The following SPTLC2 variants were observed in gnomAD, a reference collection of about 807,000 sequenced individuals.
SPTLC2 encodes serine palmitoyltransferase long chain base subunit 2, also known as serine palmitoyltransferase 2.
In SPTLC2, 21 loss-of-function variants were observed where a neutral mutation model predicts 62.0. The ratio of observed to expected loss-of-function variants is 0.34; its 90% CI spans 0.24 to 0.49. The LOEUF (loss-of-function observed/expected upper bound fraction) is 0.49. Ranked by LOEUF, SPTLC2 falls within the 20% of genes least tolerant of loss-of-function variation. The pLI is 0.99. For synonymous variants in SPTLC2, 261 were observed against 261.8 expected (o/e 1.00, Z 0.03); for missense variants, 511 against 713.0 (o/e 0.72, Z 3.23).
chr14:77,553,225 T>C (rs2079564667), intron 8 of SPTLC2, among the ~76,000 whole-genome samples: 1 of 152,078 alleles, frequency 6.6e-6, no homozygotes, highest in Non-Finnish European at 1.5e-5. Flanking sequence ...CAGAACAAAT[T>C]AGGGGGACAC....
rs138630347 is a variant in SPTLC2 at position 77,562,816 on chromosome 14, C to T, written c.757-327G>A. 1.3e-3 allele frequency among the ~76,000 whole-genome samples: 197 copies of T among 152,216 alleles called. 6 individuals are homozygous for T. In the East Asian group the frequency reaches 0.025, roughly 19 times the overall value. On this transcript the variant is annotated intron_variant, in intron 5 of 11. Transcript: ENST00000216484. ...TCTCTAAAACGTTTTGGTTTCTTTA[C>T]GTGAGAGAATTCCATGTAGTTTTAG...
At position 77,560,950 on chromosome 14, in the gene SPTLC2, T is replaced by C. The variant is rs567941020; in HGVS notation, c.850+1446A>G. Among the ~76,000 whole-genome samples the C allele has an allele frequency of 8.6e-5, 13 of 151,246 alleles. 2 individuals are homozygous for C. The South Asian group carries it at 2.7e-3, about 32-fold the overall frequency. On this transcript the variant is annotated intron_variant, in intron 6 of 11. Transcript: ENST00000216484. ...TGATTACCTGGGTGGCGAAATAATCTGTACACAAACCCCCGAGACATGCAA... is the reference window on the plus strand; with the variant it reads ...TGATTACCTGGGTGGCGAAATAATCCGTACACAAACCCCCGAGACATGCAA...
At chr14:77,605,845 C>T (rs1167314549) in intron 1 of SPTLC2, among the ~76,000 whole-genome samples, 5 of 152,186 alleles carry the variant, frequency 3.3e-5, no homozygotes, top group Non-Finnish European at 7.3e-5. Flanking sequence ...GAGGGAGTGG[C>T]CTGTAACAAA....
intron 1 of SPTLC2, among the ~76,000 whole-genome samples, chr14:77,609,832 G>A (rs533539203): frequency 6.6e-5 from 10 of 152,034 alleles, no homozygotes; most frequent in Non-Finnish European, 1.5e-4. Flanking sequence ...TGGAGGCTGC[G>A]GTGAGCCATG....
At chr14:77,557,600 C>T (rs750053482) in intron 6 of SPTLC2, among the ~76,000 whole-genome samples, 6 of 152,152 alleles carry the variant, frequency 3.9e-5, no homozygotes, top group Non-Finnish European at 8.8e-5. Flanking sequence ...AAACGCAAGG[C>T]GTAAAAAAAC....
chr14:77,584,318 T>C (rs2079769363), intron 2 of SPTLC2, among the ~76,000 whole-genome samples: 1 of 152,174 alleles, frequency 6.6e-6, no homozygotes, highest in Non-Finnish European at 1.5e-5. Flanking sequence ...TAAGCATCAT[T>C]CTGGTCCAAC....
At chr14:77,560,159 G>A in intron 6 of SPTLC2, among the ~76,000 whole-genome samples, 1 of 152,194 alleles carries the variant, frequency 6.6e-6, no homozygotes, top group East Asian at 1.9e-4. Context: ...GTTGGCCAGT[G>A]AGTAGGAACA....
intron 9 of SPTLC2, among the ~76,000 whole-genome samples, chr14:77,546,152 G>C (rs1188503714): frequency 6.6e-6 from 1 of 152,238 alleles, no homozygotes; most frequent in Non-Finnish European, 1.5e-5. Flanking sequence ...AGTAGAAGCA[G>C]ATGGAGTTAG....
At chr14:77,528,318 G>A (rs1432232026) in intron 9 of SPTLC2, among the ~76,000 whole-genome samples, 1 of 151,432 alleles carries the variant, frequency 6.6e-6, no homozygotes, top group Non-Finnish European at 1.5e-5. Context: ...AGCAACCTCC[G>A]CCTCCCGGGT....
chr14:77,540,676 T>C (rs999836030), intron 9 of SPTLC2, among the ~76,000 whole-genome samples: 6 of 152,172 alleles, frequency 3.9e-5, no homozygotes, highest in Non-Finnish European at 8.8e-5. Flanking sequence ...GGTTTCGCTA[T>C]GTTGTCCAGG....
chr14:77,580,238 C>T (rs1369799678), intron 2 of SPTLC2, among the ~76,000 whole-genome samples: 1 of 145,190 alleles, frequency 6.9e-6, no homozygotes, highest in Non-Finnish European at 1.5e-5. Context: ...TTTGGGAGGC[C>T]GAGGTGGGTG....
chr14:77,548,666 T>G lies in SPTLC2; in HGVS notation c.1303+3430A>C, dbSNP rs567088435. The stretch of plus-strand genomic sequence containing the variant: ...AATTCCCATTCATTATTATCTCACC[T>G]GAGATCCTAGTGAAGTTGCCTTTCA... On this transcript the variant is annotated intron_variant, in intron 9 of 11. Coordinates refer to ENST00000216484, the MANE Select transcript of SPTLC2 (RefSeq NM_004863.4). Among the ~76,000 whole-genome samples the G allele has an allele frequency of 3.3e-5, 5 of 152,312 alleles. No individual in the cohort carries two copies. The East Asian group carries it at 9.6e-4, about 29-fold the overall frequency.
chr14:77,536,186 G>C (rs576950653), intron 9 of SPTLC2, among the ~76,000 whole-genome samples: 1 of 152,296 alleles, frequency 6.6e-6, no homozygotes, highest in South Asian at 2.1e-4. Flanking sequence ...ATTATTTTCT[G>C]AGATGATGAA....
chr14:77,533,179 A>G (rs956644850), intron 9 of SPTLC2, among the ~76,000 whole-genome samples: 1 of 151,924 alleles, frequency 6.6e-6, no homozygotes, highest in African/African-American at 2.4e-5. Context: ...GCACGCCTGG[A>G]GTTCCAGCTA....
At chr14:77,554,616 G>A (rs1190127848) in intron 8 of SPTLC2, 2 of 153,400 alleles carry the variant, frequency 1.3e-5, no homozygotes, top group Non-Finnish European at 2.9e-5. Context: ...TACAAGCTGG[G>A]CATATTTATC....
At chr14:77,552,347 G>A in intron 8 of SPTLC2, 125 bp from the exon 9 acceptor site, 1 of 1,156,536 alleles carries the variant, frequency 8.6e-7, no homozygotes, top group Middle Eastern at 2.7e-4. Flanking sequence ...ACACTAATCT[G>A]AGATACAAGG....
At chr14:77,551,859 G>A (rs2079557242) in intron 9 of SPTLC2, among the ~76,000 whole-genome samples, 1 of 152,158 alleles carries the variant, frequency 6.6e-6, no homozygotes, top group Non-Finnish European at 1.5e-5. Context: ...GGGTATGTAG[G>A]ATAGTAAGAG....
intron 9 of SPTLC2, among the ~76,000 whole-genome samples, chr14:77,540,882 T>C (rs1265218479): frequency 6.6e-6 from 1 of 152,236 alleles, no homozygotes; most frequent in African/African-American, 2.4e-5. Context: ...AATGCATGTT[T>C]AGTTGCAGAA....
At chr14:77,564,395 A>G (rs1483872306) in intron 5 of SPTLC2, among the ~76,000 whole-genome samples, 2 of 122,200 alleles carry the variant, frequency 1.6e-5, no homozygotes, top group Non-Finnish European at 3.4e-5. Context: ...ATCTTTATGC[A>G]TGCATACACA....
Sources: allele counts gnomAD v4.1 joint callset (sites outside exome capture counted in the v4.1 genomes callset), GRCh38; gene constraint gnomAD v4.1.1; transcripts MANE v1.5; gene names NCBI Gene and HGNC (gene_info 2026-07-23, HGNC 2026-07-21).